Variants in TSC22D1 observed in about 807,000 individuals in gnomAD.
TSC22D1 encodes TSC22 domain family protein 1.
A neutral mutation model predicts 74.2 loss-of-function variants in TSC22D1; 9 were observed. That is an observed-to-expected ratio of 0.12 (90% CI 0.07 to 0.21). TSC22D1 has a LOEUF of 0.21. Ranked by LOEUF, TSC22D1 falls within the 10% of genes least tolerant of loss-of-function variation. The pLI is 1.00. For missense variants in TSC22D1, 1,427 were observed against 1,304.7 expected, an observed-to-expected ratio of 1.09 and a Z score of -1.44; for synonymous variants, 586 against 492.5, an observed-to-expected ratio of 1.19 and a Z score of -2.51.
intron 1 of TSC22D1, among the ~76,000 whole-genome samples, chr13:44,554,630 CAAAAAAAAAAAAA>C (rs59922380): frequency 1.8e-3 from 124 of 68,650 alleles, no homozygotes; most frequent in African/African-American, 5.2e-3. Context: ...ATACCAGGAA[CAAAAAAAAAAAAA>C]AAAAAAAAAA....
At chr13:44,519,778 A>G (rs1478294972) in intron 1 of TSC22D1, among the ~76,000 whole-genome samples, 1 of 152,182 alleles carries the variant, frequency 6.6e-6, no homozygotes, top group Non-Finnish European at 1.5e-5. Context: ...TCTTGCATCC[A>G]AGTTAGGAAA....
At chr13:44,455,838 A>G (rs1232460722) in intron 1 of TSC22D1, among the ~76,000 whole-genome samples, 1 of 152,196 alleles carries the variant, frequency 6.6e-6, no homozygotes, top group Non-Finnish European at 1.5e-5. Context: ...CCCAGTTTTA[A>G]ATGCATAAGG....
intron 1 of TSC22D1, among the ~76,000 whole-genome samples, chr13:44,504,852 C>G (rs1220832360): frequency 1.3e-5 from 2 of 152,154 alleles, no homozygotes; most frequent in Non-Finnish European, 2.9e-5. Flanking sequence ...CTAAAAAGCT[C>G]TATCAAATAT....
chr13:44,442,072 T>C (rs1249038507), intron 1 of TSC22D1, among the ~76,000 whole-genome samples: 2 of 152,194 alleles, frequency 1.3e-5, no homozygotes, highest in Admixed American at 1.3e-4. Context: ...TTAGAAGAAT[T>C]CTAATTCCCT....
At chr13:44,527,723 A>T (rs1317185255) in intron 1 of TSC22D1, among the ~76,000 whole-genome samples, 1 of 152,170 alleles carries the variant, frequency 6.6e-6, no homozygotes, top group African/African-American at 2.4e-5. Context: ...GAACAGCTTA[A>T]ATACACCAAT....
intron 1 of TSC22D1, among the ~76,000 whole-genome samples, chr13:44,540,450 A>T (rs1484991234): frequency 1.3e-5 from 2 of 152,218 alleles, no homozygotes; most frequent in Non-Finnish European, 2.9e-5. Flanking sequence ...ATCACACTAT[A>T]GGCCCATATT....
intron 1 of TSC22D1, among the ~76,000 whole-genome samples, chr13:44,501,480 C>T (rs1879215532): frequency 6.6e-6 from 1 of 152,300 alleles, no homozygotes; most frequent in African/African-American, 2.4e-5. Flanking sequence ...CTAGCAACAA[C>T]TACCCTTACT....
chr13:44,437,804 A>G (rs1159929815), intron 1 of TSC22D1, among the ~76,000 whole-genome samples: 4 of 152,204 alleles, frequency 2.6e-5, no homozygotes, highest in Non-Finnish European at 5.9e-5. Context: ...ATGTATTCAA[A>G]GCATACAAAT....
At chr13:44,472,665 G>A (rs1877673359) in intron 1 of TSC22D1, among the ~76,000 whole-genome samples, 1 of 152,176 alleles carries the variant, frequency 6.6e-6, no homozygotes, top group South Asian at 2.1e-4. Context: ...TTAACCGGTT[G>A]TGGTGGCATG....
rs1882551129 is a variant in TSC22D1 at position 44,555,193 on chromosome 13, T to C, written c.2912+17970A>G. On this transcript the variant is annotated intron_variant, in intron 1 of 2. Coordinates refer to ENST00000458659, the MANE Select transcript of TSC22D1 (RefSeq NM_183422.4). ...AAGGTAATCCAGTTTTAAAATATTA[T>C]CTCTTAAGAAGATTCAATAATCACA... Among the ~76,000 whole-genome samples, 3 of 151,792 alleles carry C rather than the reference T, an allele frequency of 2.0e-5. No homozygotes were observed. In the South Asian group the frequency reaches 6.2e-4, roughly 31 times the overall value.
At chr13:44,495,545 CTCT>C (rs1878934139) in intron 1 of TSC22D1, among the ~76,000 whole-genome samples, 1 of 152,126 alleles carries the variant, frequency 6.6e-6, no homozygotes, top group Non-Finnish European at 1.5e-5. Context: ...TAATTTGCAA[CTCT>C]TCTTTTTTTA....
intron 1 of TSC22D1, chr13:44,436,850 G>T: frequency 7.7e-7 from 1 of 1,290,684 alleles, no homozygotes; most frequent in Non-Finnish European, 9.8e-7. Flanking sequence ...GCTCCACTCA[G>T]CTCTAGACCA....
chr13:44,511,906 G>C (rs1310581424), intron 1 of TSC22D1, among the ~76,000 whole-genome samples: 1 of 152,086 alleles, frequency 6.6e-6, no homozygotes, highest in Non-Finnish European at 1.5e-5. Context: ...CCAAGCAAAG[G>C]GCAGAATTAG....
At chr13:44,446,034 T>C (rs1393094822) in intron 1 of TSC22D1, among the ~76,000 whole-genome samples, 1 of 152,144 alleles carries the variant, frequency 6.6e-6, no homozygotes, top group African/African-American at 2.4e-5. Context: ...AAGTTATTTA[T>C]CCAAGAAAAT....
rs1333743559 is a variant in TSC22D1 at position 44,574,522 on chromosome 13, T to C, written c.1553A>G (p.Gln518Arg). 6.2e-7 allele frequency: 1 copy of C among 1,614,044 alleles called. No homozygotes were observed. The highest frequency in any genetic ancestry group is 8.5e-7 in the Non-Finnish European group (1 of 1,180,036). Residue 518 changes from glutamine (Q) to arginine (R), a missense_variant, in exon 1 of 3, where the codon CAA becomes CGA. By Grantham distance (43) the Gln-to-Arg change is conservative. Around this residue, in one of 3 missense-constraint regions of TSC22D1, gnomAD observed 1,343 missense variants for 1,191.5 expected, o/e 1.13. Coordinates refer to ENST00000458659, the MANE Select transcript of TSC22D1 (RefSeq NM_183422.4). ...QQPALQGVTL[Q>R]QMDFGSTGPQ... is the part of the protein sequence containing the mutation. ...ACCAGTGCTACCAAAATCCATCTGT[T>C]GGAGGGTCACACCTTGGAGAGCTGG... is the stretch of plus-strand genomic sequence containing the variant.
chr13:44,436,717 A>C, intron 1 of TSC22D1: 16 of 1,510,262 alleles, frequency 1.1e-5, no homozygotes, highest in Non-Finnish European at 1.4e-5. Flanking sequence ...GGCTTTCCGC[A>C]GCCCAGGGAG....
chr13:44,568,522 A>G (rs1883530695), intron 1 of TSC22D1, among the ~76,000 whole-genome samples: 1 of 152,204 alleles, frequency 6.6e-6, no homozygotes, highest in Non-Finnish European at 1.5e-5. Context: ...TATATAGTAG[A>G]GACAGGATCT....
At chr13:44,550,680 A>G (rs1351563597) in intron 1 of TSC22D1, among the ~76,000 whole-genome samples, 6 of 152,096 alleles carry the variant, frequency 3.9e-5, no homozygotes, top group African/African-American at 1.4e-4. Flanking sequence ...TATTCAGAAT[A>G]CCAGATTATA....
chr13:44,542,840 A>T (rs1369014444), intron 1 of TSC22D1, among the ~76,000 whole-genome samples: 2 of 152,144 alleles, frequency 1.3e-5, no homozygotes, highest in Non-Finnish European at 2.9e-5. Context: ...CTTTGTGAGA[A>T]TATTATTGAT....
Sources: gnomAD v4.1 joint callset for allele counts (sites outside exome capture counted in the v4.1 genomes callset) on GRCh38, gnomAD v4.1.1 for gene constraint, gnomAD v4.1.1 regional missense constraint, MANE v1.5 for transcripts, NCBI Gene and HGNC (gene_info 2026-07-23, HGNC 2026-07-21) for gene names.